PEAK1: variants seen among roughly 807,000 people sequenced by gnomAD.
PEAK1 encodes the protein inactive tyrosine-protein kinase PEAK1.
In PEAK1, 54 loss-of-function variants were observed where a neutral mutation model predicts 124.7. The observed-to-expected ratio is 0.43, with a 90% CI of 0.35 to 0.54. PEAK1 has a LOEUF of 0.54. PEAK1 is among the 20% of genes least tolerant of loss of function. PEAK1 has a pLI of 0.01. For missense variants in PEAK1, 2,046 were observed against 2,134.5 expected, an observed-to-expected ratio of 0.96 and a Z score of 0.82; for synonymous variants, 719 against 760.0, an observed-to-expected ratio of 0.95 and a Z score of 0.89.
chr15:77,359,457 T>C (rs1190609224), intron 2 of PEAK1, among the ~76,000 whole-genome samples: 3 of 145,510 alleles, frequency 2.1e-5, no homozygotes, highest in African/African-American at 7.6e-5. Flanking sequence ...AAAAAAACGG[T>C]TTCAGCCAGA....
In PEAK1 at chr15:77,381,542, T is replaced by C. The variant is rs76955102; in HGVS notation, c.-665-16317A>G. 31 of 845,946 alleles carry C rather than the reference T, an allele frequency of 3.7e-5. No individual in the cohort carries two copies. The East Asian group carries it at 3.1e-3, about 84-fold the overall frequency. The allele number at this position is 845,946 out of a possible 1,614,324, so 52.4% of individuals were successfully genotyped here. ...TCTTTTCCATTACAGATTCAATTCA[T>C]TGAGTAAACAGAAAGGTTCACTTGT... On this transcript the variant is annotated intron_variant, in intron 1 of 9. Transcript: ENST00000682557.
chr15:77,265,186 T>C (rs1398522679), intron 5 of PEAK1, among the ~76,000 whole-genome samples: 7 of 152,114 alleles, frequency 4.6e-5, no homozygotes, highest in Non-Finnish European at 1.0e-4. Flanking sequence ...ATTCAGGACA[T>C]AGGCATGGGC....
At chr15:77,353,228 C>T (rs1468253668) in intron 2 of PEAK1, among the ~76,000 whole-genome samples, 2 of 152,152 alleles carry the variant, frequency 1.3e-5, no homozygotes, top group Non-Finnish European at 2.9e-5. Context: ...TCCCTAAATC[C>T]AGGCTGGCAT....
At chr15:77,208,857 T>C (rs1271992584) in intron 6 of PEAK1, among the ~76,000 whole-genome samples, 1 of 152,142 alleles carries the variant, frequency 6.6e-6, no homozygotes, top group Non-Finnish European at 1.5e-5. Flanking sequence ...AAATAGGAAG[T>C]CATGACCAAT....
In PEAK1 at chr15:77,108,399, G is replaced by C. The variant is rs1455117119; in HGVS notation, c.*5757C>G. ...GAGAGAATTAAAGAGAGATTGGAAT[G>C]AGGACTGTCATGATTCAAATCACCA... On this transcript the variant is annotated 3_prime_UTR_variant, in exon 10 of 10. Coordinates refer to ENST00000682557, the MANE Select transcript of PEAK1 (RefSeq NM_001385026.1). 6.6e-6 allele frequency: 1 copy of C among 152,210 alleles called. No homozygotes were observed. The highest frequency in any genetic ancestry group is 2.4e-5 in the African/African-American group (1 of 41,454). The allele number at this position is 152,210 out of a possible 1,614,324, so 9.4% of individuals were successfully genotyped here.
In PEAK1 at chr15:77,111,393, T is replaced by G. The variant is rs1485280012; in HGVS notation, c.*2763A>C. 6.6e-6 allele frequency: 1 copy of G among 152,216 alleles called. No homozygotes were observed. Among genetic ancestry groups the G allele is most frequent in the Non-Finnish European group, 1.5e-5 (1 of 68,038 alleles). The allele number at this position is 152,216 out of a possible 1,614,324, so 9.4% of individuals were successfully genotyped here. A position where few individuals can be genotyped will look rare whatever the true frequency, so the allele number is the denominator to read the frequency against. ...GAAAAATATTCTGAAGACCAACTCA[T>G]GTAGTACTTTTTGCCTAGAAATATA... On this transcript the variant is annotated 3_prime_UTR_variant, in exon 10 of 10. Coordinates refer to ENST00000682557, the MANE Select transcript of PEAK1 (RefSeq NM_001385026.1).
intron 8 of PEAK1, chr15:77,155,449 A>G (rs2055039242): frequency 1.3e-5 from 2 of 152,298 alleles, no homozygotes; most frequent in East Asian, 3.9e-4. Context: ...TGTAGCTCAG[A>G]GTAGTTTGAT....
intron 5 of PEAK1, among the ~76,000 whole-genome samples, chr15:77,262,785 A>T (rs1386374702): frequency 6.6e-6 from 1 of 152,052 alleles, no homozygotes; most frequent in Non-Finnish European, 1.5e-5. Flanking sequence ...TCCACCCCAA[A>T]TCAACAGAAT....
rs141124695 is a variant in PEAK1, at chr15:77,171,763, T to C, written c.3137+7027A>G. Among the ~76,000 whole-genome samples the C allele has an allele frequency of 6.4e-4, 98 of 152,334 alleles. 1 individual carries two copies. Among genetic ancestry groups the C allele is most frequent in the African/African-American group, 2.3e-3 (97 of 41,596 alleles). ...TCCCTGATCTGCTCACTTTACATTA[T>C]ATGTATTGCAACATCACTACGTACA... On this transcript the variant is annotated intron_variant, in intron 7 of 9. Transcript: ENST00000682557.
intron 2 of PEAK1, among the ~76,000 whole-genome samples, chr15:77,288,927 CAA>C (rs34321536): frequency 0.017 from 1,451 of 86,134 alleles, 12 homozygotes; most frequent in African/African-American, 0.055. Flanking sequence ...GACTCCGTCT[CAA>C]AAAAAAAAAA....
chr15:77,182,749 C>CAATAAAAA (rs71447145), intron 6 of PEAK1, among the ~76,000 whole-genome samples: 3 of 65,144 alleles, frequency 4.6e-5, no homozygotes, highest in African/African-American at 1.9e-4. Context: ...GACCTTGTCT[C>CAATAAAAA]AAAAAAAAAA....
intron 1 of PEAK1, among the ~76,000 whole-genome samples, chr15:77,406,291 A>G (rs911682410): frequency 2.6e-5 from 4 of 152,212 alleles, no homozygotes; most frequent in Non-Finnish European, 5.9e-5. Flanking sequence ...GCAACCAGAT[A>G]AGAGAAAGAA....
At chr15:77,340,658 A>G (rs1052863802) in intron 2 of PEAK1, among the ~76,000 whole-genome samples, 1 of 152,234 alleles carries the variant, frequency 6.6e-6, no homozygotes, top group East Asian at 1.9e-4. Context: ...ATAAGGGATC[A>G]ATATTGGTTC....
At chr15:77,245,213 G>A (rs1449874578) in intron 6 of PEAK1, among the ~76,000 whole-genome samples, 1 of 152,004 alleles carries the variant, frequency 6.6e-6, no homozygotes, top group Non-Finnish European at 1.5e-5. Flanking sequence ...CTATTACCTG[G>A]GCATGGTGGC....
chr15:77,347,295 G>C, intron 2 of PEAK1: 1 of 984,838 alleles, frequency 1.0e-6, no homozygotes, highest in Non-Finnish European at 1.2e-6. Flanking sequence ...ATTCACTTTT[G>C]GACTAGTAAT....
chr15:77,331,530 C>T (rs560863110), intron 2 of PEAK1, among the ~76,000 whole-genome samples: 1 of 152,312 alleles, frequency 6.6e-6, no homozygotes, highest in East Asian at 1.9e-4. Flanking sequence ...TCCTGCACAG[C>T]TCTGATAATT....
chr15:77,391,385 C>T (rs1368515220), intron 1 of PEAK1, among the ~76,000 whole-genome samples: 1 of 147,774 alleles, frequency 6.8e-6, no homozygotes, highest in African/African-American at 2.5e-5. Flanking sequence ...CAAGAAGAAC[C>T]CTGCTCACAA....
At chr15:77,315,699 T>C (rs2064827924) in intron 2 of PEAK1, among the ~76,000 whole-genome samples, 1 of 151,678 alleles carries the variant, frequency 6.6e-6, no homozygotes, top group East Asian at 1.9e-4. Flanking sequence ...AAAAAACCCA[T>C]GAGTCTAATC....
intron 6 of PEAK1, among the ~76,000 whole-genome samples, chr15:77,197,722 ACT>A (rs1297930277): frequency 2.6e-5 from 4 of 152,186 alleles, no homozygotes; most frequent in Non-Finnish European, 5.9e-5. Flanking sequence ...GGAACTAAGA[ACT>A]CTGACTAACT....
Sources: gnomAD v4.1 joint callset for allele counts (sites outside exome capture counted in the v4.1 genomes callset) on GRCh38, gnomAD v4.1.1 for gene constraint, MANE v1.5 for transcripts, NCBI Gene and HGNC (gene_info 2026-07-23, HGNC 2026-07-21) for gene names.